The following PLXNB3 variants were observed in gnomAD, a reference collection of about 807,000 sequenced individuals.
PLXNB3 encodes plexin B3.
PLXNB3 carries 80 observed loss-of-function variants against 125.7 expected under a neutral mutation model. The ratio of observed to expected loss-of-function variants is 0.64; its 90% confidence interval spans 0.53 to 0.77. PLXNB3 has a LOEUF of 0.77. Among genes scored for constraint, PLXNB3 ranks in the 30% least tolerant of loss-of-function variants. The pLI is 0.00. For missense variants in PLXNB3, 1,836 were observed against 1,729.3 expected (o/e 1.06, Z -1.09); for synonymous variants, 954 against 783.3 (o/e 1.22, Z -3.64).
Position 153,775,120 on chromosome X carries a change from G to A in PLXNB3, c.4155+17G>A, listed in dbSNP as rs367889304. 3.6e-5 allele frequency: 42 copies of A among 1,182,168 alleles called. No homozygotes were observed. Among genetic ancestry groups the A allele is most frequent in the South Asian group, 1.1e-4 (6 of 52,513 alleles). On this transcript the variant is annotated intron_variant, in intron 24 of 35. Coordinates refer to ENST00000361971, the MANE Select transcript of PLXNB3 (RefSeq NM_005393.3). ...CTCCTCACGGTGAGGGCCGTGTGGC[G>A]GGAGTGCCCAGTGGGCAAGGAGGTG...
At chrX:153,775,824 G>A (rs2091979813) in intron 26 of PLXNB3, 63 bp from the exon 27 acceptor site, 4 of 1,132,425 alleles carry the variant, frequency 3.5e-6, no homozygotes, top group South Asian at 4.0e-5. Flanking sequence ...CGAGGCAGAG[G>A]CGAGAAGGGC....
At position 153,768,414 on chromosome X, in the gene PLXNB3, G is replaced by A; in HGVS notation, c.1252G>A (p.Gly418Ser). The A allele has an allele frequency of 8.3e-7, 1 of 1,203,350 alleles. No individual in the cohort carries two copies. The highest frequency in any genetic ancestry group is 1.1e-6 in the Non-Finnish European group (1 of 889,431). ...HMIAFLGDTQ[G>S]QLYKVFLHGS... ...GATAGCCTTCCTGGGGGACACCCAG[G>A]GCCAGCTGTACAAGGTGAGGGCCCG... The change falls in exon 4 of 36, where the codon GGC becomes AGC. Residue 418 changes from glycine to serine, a missense_variant. Physicochemically the swap from Gly to Ser is moderately conservative, Grantham distance 56. Transcript: ENST00000361971.
intron 26 of PLXNB3, 76 bp downstream of exon 26, chrX:153,775,736 C>A: frequency 9.0e-7 from 1 of 1,105,149 alleles, no homozygotes; most frequent in Non-Finnish European, 1.2e-6. Flanking sequence ...GGGCTACTGC[C>A]TGCGCCCTAC....
intron 15 of PLXNB3, 52 bp downstream of exon 15, chrX:153,772,067 C>T (rs1479041993): frequency 1.7e-6 from 2 of 1,155,455 alleles, no homozygotes; most frequent in African/African-American, 3.6e-5. Context: ...GAGATGGCCA[C>T]CCAGAGATAA....
rs1557061403 is a variant in PLXNB3, at chrX:153,770,608, C to G, written c.1976C>G (p.Pro659Arg). 1 of 1,211,109 alleles carries G rather than the reference C, an allele frequency of 8.3e-7. No homozygotes were observed. The highest frequency in any genetic ancestry group is 3.0e-5 in the East Asian group (1 of 33,842). The change falls in exon 10 of 36, where the codon CCA becomes CGA. Residue 659 changes from proline to arginine, a missense_variant. Coordinates refer to ENST00000361971, the MANE Select transcript of PLXNB3 (RefSeq NM_005393.3). The stretch of plus-strand genomic sequence containing the variant: ...CACTGCGTGTACGGAGAGCACTGCC[C>G]AGAGGGCGAGAGGACCATCTACAGC... ...SSHCVYGEHC[P>R]EGERTIYSAQ...
intron 29 of PLXNB3, 102 bp downstream of exon 29, chrX:153,777,082 ATCT>A: frequency 1.0e-6 from 1 of 993,094 alleles, no homozygotes; most frequent in Non-Finnish European, 1.4e-6. Flanking sequence ...CCCCACCGAG[ATCT>A]TCTGCCCATC....
rs782560306 is a variant in PLXNB3 at position 153,776,204 on chromosome X, C to T, written c.4719C>T (p.Ala1573=). 1.4e-5 allele frequency: 16 copies of T among 1,176,730 alleles called. No individual in the cohort carries two copies. Among genetic ancestry groups the T allele is most frequent in the Non-Finnish European group, 1.5e-5 (13 of 877,049 alleles). Residue 1573 remains alanine (A), a synonymous_variant, in exon 27 of 36, where the codon GCC becomes GCT. Transcript: ENST00000361971. ...TPFSQRPSVH[A]LDLEWRSGLA... ...TCTCCCAGAGGCCCTCAGTGCATGCCCTAGACCTTGGTGAGAGAGCCAGCC... is the reference window on the plus strand; with the variant it reads ...TCTCCCAGAGGCCCTCAGTGCATGCTCTAGACCTTGGTGAGAGAGCCAGCC...
rs199942282 is a variant in PLXNB3 at position 153,770,655 on chromosome X, G to A, written c.2010+13G>A. On this transcript the variant is annotated intron_variant, in intron 10 of 35. Transcript: ENST00000361971. Reference sequence around the variant, plus strand: ...CAGCGCCCAGGAGGTGGGTGGGCCCGAACTTCGGGCAGAGACAGGGCTGTC... The same window carrying A: ...CAGCGCCCAGGAGGTGGGTGGGCCCAAACTTCGGGCAGAGACAGGGCTGTC... 490 of 1,207,860 alleles carry A rather than the reference G, an allele frequency of 4.1e-4. 10 individuals carry two copies. The highest frequency in any genetic ancestry group is 1.2e-3 in the East Asian group (42 of 33,749).
At position 153,774,910 on chromosome X, in the gene PLXNB3, G is replaced by C. The variant is rs1557063478; in HGVS notation, c.3962G>C (p.Ser1321Thr). ...DLMTEMTDLS[S>T]DLEGSGIPFL... is the part of the protein sequence containing the mutation. ...ATGACGGAGATGACCGACCTCAGCA[G>C]CGACCTGGAGGGCAGCGGGATCCCC... The change falls in exon 24 of 36, where the codon AGC (serine) becomes ACC (threonine). Residue 1321 changes from serine (S) to threonine (T), a missense_variant. Ser to Thr is a moderately conservative substitution (Grantham distance 58). Transcript: ENST00000361971. 8.4e-7 allele frequency: 1 copy of C among 1,191,307 alleles called. No homozygotes were observed. The highest frequency in any genetic ancestry group is 1.1e-6 in the Non-Finnish European group (1 of 883,825).
In PLXNB3 at chrX:153,773,264, C is replaced by T. The variant is rs782508777; in HGVS notation, c.2941C>T (p.Arg981Cys). 6 of 1,209,814 alleles carry T rather than the reference C, an allele frequency of 5.0e-6. No individual in the cohort carries two copies. Among genetic ancestry groups the T allele is most frequent in the South Asian group, 1.8e-5 (1 of 56,764 alleles). ...AGTGTGTCCGGAGGCCATCGTGTGC[C>T]GTACCAGGCCCCAGGCTGCCCCAGG... ...EPVCPEAIVCRTRPQAAPGEA... is the reference protein window; with the variant it reads ...EPVCPEAIVCCTRPQAAPGEA... The change falls in exon 18 of 36, where the codon CGT becomes TGT. Residue 981 changes from arginine (R) to cysteine (C), a missense_variant. Arg to Cys is a radical substitution (Grantham distance 180). Coordinates refer to ENST00000361971, the MANE Select transcript of PLXNB3 (RefSeq NM_005393.3).
chrX:153,772,030 G>C lies in PLXNB3; in HGVS notation c.2669+15G>C. On this transcript the variant is annotated intron_variant, in intron 15 of 35. Transcript: ENST00000361971. ...ACGTCGGCCCGGTGAGGCACTTGGA[G>C]GGTGAAGATGGGTGGGGAGGCCCTC... 1 of 1,175,156 alleles carries C rather than the reference G, an allele frequency of 8.5e-7. No homozygotes were observed. The highest frequency in any genetic ancestry group is 1.1e-6 in the Non-Finnish European group (1 of 876,743).
At position 153,775,727 on chromosome X, in the gene PLXNB3, G is replaced by A; in HGVS notation, c.4401+67G>A. 1.6e-5 allele frequency: 18 copies of A among 1,122,080 alleles called. No individual in the cohort carries two copies. The South Asian group carries it at 3.3e-4, about 20-fold the overall frequency. 92.5% of individuals were successfully genotyped at this position (1,122,080 alleles called of 1,213,427 possible). ...GACTCCTCCCCTCTTGCCATGAGGG[G>A]GCTACTGCCTGCGCCCTACGTGACG... On this transcript the variant is annotated intron_variant, in intron 26 of 35. Coordinates refer to ENST00000361971, the MANE Select transcript of PLXNB3 (RefSeq NM_005393.3).
Position 153,779,066 on chromosome X carries a change from G to GATCCAC in PLXNB3, c.*28_*33dup, listed in dbSNP as rs782233480. The GATCCAC allele has an allele frequency of 7.5e-6, 8 of 1,066,668 alleles. No individual in the cohort carries two copies. Among genetic ancestry groups the GATCCAC allele is most frequent in the Non-Finnish European group, 8.8e-6 (7 of 791,116 alleles). 87.9% of individuals were successfully genotyped at this position (1,066,668 alleles called of 1,213,427 possible). A position where few individuals can be genotyped will look rare whatever the true frequency, so the allele number is the denominator to read the frequency against. On this transcript the variant is annotated 3_prime_UTR_variant, in exon 36 of 36. Transcript: ENST00000361971. Reference sequence around the variant, plus strand: ...CTCTGGCTCAGACAGCAGCAAGCCGGATCCACCAACACCGCAGCGCCTTAT... The same window carrying GATCCAC: ...CTCTGGCTCAGACAGCAGCAAGCCGGATCCACATCCACCAACACCGCAGCGCCTTAT...
chrX:153,777,120 A>G, intron 29 of PLXNB3, 88 bp from the exon 30 acceptor site: 2 of 1,057,725 alleles, frequency 1.9e-6, no homozygotes, highest in South Asian at 4.6e-5. Flanking sequence ...CAGTCCCCAC[A>G]CTGCCCCACC....
intron 9 of PLXNB3, 33 bp from the exon 10 acceptor site, chrX:153,770,495 G>A: frequency 1.7e-6 from 2 of 1,201,602 alleles, no homozygotes; most frequent in Non-Finnish European, 2.3e-6. Flanking sequence ...ACCCCAGAGG[G>A]CACTCAGTTG....
chrX:153,775,025 G>A lies in PLXNB3; in HGVS notation c.4077G>A (p.Glu1359=). The A allele has an allele frequency of 5.0e-6, 6 of 1,209,044 alleles. No homozygotes were observed. The highest frequency in any genetic ancestry group is 6.7e-6 in the Non-Finnish European group (6 of 894,168). The stretch of plus-strand genomic sequence containing the variant: ...AGCCCAAGCCTGAGGGGCCAGGGGA[G>A]GACGGCCACTGTGCCACTGTGCGCC... ...PLQPKPEGPG[E]DGHCATVRQG... Residue 1359 remains glutamate, a synonymous_variant, in exon 24 of 36, where the codon GAG becomes GAA. Coordinates refer to ENST00000361971, the MANE Select transcript of PLXNB3 (RefSeq NM_005393.3).
intron 26 of PLXNB3, 64 bp downstream of exon 26, chrX:153,775,724 G>A: frequency 8.9e-7 from 1 of 1,126,220 alleles, no homozygotes. Flanking sequence ...CTTGCCATGA[G>A]GGGGCTACTG....
Position 153,770,626 on chromosome X carries a change from T to C in PLXNB3, c.1994T>C (p.Ile665Thr). ...GEHCPEGERT[I>T]YSAQEVDIQV... ...CACTGCCCAGAGGGCGAGAGGACCA[T>C]CTACAGCGCCCAGGAGGTGGGTGGG... The change falls in exon 10 of 36, where the codon ATC becomes ACC. Residue 665 changes from isoleucine to threonine, a missense_variant. Ile to Thr is a moderately conservative substitution (Grantham distance 89). Coordinates refer to ENST00000361971, the MANE Select transcript of PLXNB3 (RefSeq NM_005393.3). 8.3e-7 allele frequency: 1 copy of C among 1,210,299 alleles called. No homozygotes were observed. Among genetic ancestry groups the C allele is most frequent in the Non-Finnish European group, 1.1e-6 (1 of 894,697 alleles).
chrX:153,777,440 C>T, intron 30 of PLXNB3, 60 bp downstream of exon 30: 1 of 1,181,252 alleles, frequency 8.5e-7, no homozygotes, highest in African/African-American at 1.7e-5. Flanking sequence ...CCCGACCGAG[C>T]CAGGGTGTGG....
Sources: allele counts gnomAD v4.1 joint callset, GRCh38; gene constraint gnomAD v4.1.1; transcripts MANE v1.5; gene names NCBI Gene and HGNC (gene_info 2026-07-23, HGNC 2026-07-21).